Variants in ESPN observed in about 807,000 individuals in gnomAD.
ESPN encodes espin.
Under a neutral mutation model 77.7 loss-of-function variants are expected in ESPN, and 68 were observed. That is an observed-to-expected ratio of 0.87 (90% CI 0.72 to 1.07). The LOEUF is 1.07. Ranked by LOEUF, ESPN falls within the 50% of genes least tolerant of loss-of-function variation. The pLI is 0.00. For missense variants in ESPN, 1,060 were observed against 1,239.0 expected (o/e 0.86, Z 2.17); for synonymous variants, 449 against 567.1 (o/e 0.79, Z 2.96).
chr1:6,456,811 C>T lies in ESPN; in HGVS notation c.2326-373C>T, dbSNP rs977846610. On this transcript the variant is annotated intron_variant, in intron 10 of 12. Transcript: ENST00000645284. ...GGAGCCAGGGGCAGCCTGAGTCTCC[C>T]TGAGCCAAGAGGCTGGGTGGGGGCT... 4 of 369,166 alleles carry T rather than the reference C, an allele frequency of 1.1e-5. No homozygotes were observed. In the Admixed American group the frequency reaches 1.8e-4, roughly 16 times the overall value. 22.9% of individuals were successfully genotyped at this position (369,166 alleles called of 1,614,324 possible).
At chr1:6,455,482 G>A (rs1213795123) in intron 10 of ESPN, 20 of 397,402 alleles carry the variant, frequency 5.0e-5, no homozygotes, top group Non-Finnish European at 7.1e-5. Flanking sequence ...CAGCTGCTGA[G>A]GCAGCGGCAG....
chr1:6,451,016 G>A lies in ESPN; in HGVS notation c.1916-587G>A, dbSNP rs1185470709. ...TCCTGGGCCCCTAGAGCTGAGCCATGCTTTGCCATAAAGGTGCTCCCGGCT... is the reference window on the plus strand; with the variant it reads ...TCCTGGGCCCCTAGAGCTGAGCCATACTTTGCCATAAAGGTGCTCCCGGCT... On this transcript the variant is annotated intron_variant, in intron 8 of 12. Transcript: ENST00000645284. This position sits in a 1 kb window ranked among gnomAD's most constrained non-coding sequence, Gnocchi z 4.3. Among the ~76,000 whole-genome samples the A allele has an allele frequency of 6.6e-6, 1 of 152,202 alleles. No individual in the cohort carries two copies. Among genetic ancestry groups the A allele is most frequent in the Admixed American group, 6.5e-5 (1 of 15,282 alleles).
chr1:6,444,233 T>C (rs1260767185), intron 5 of ESPN, among the ~76,000 whole-genome samples: 1 of 152,104 alleles, frequency 6.6e-6, no homozygotes, highest in East Asian at 1.9e-4. Flanking sequence ...CTCTCCACCC[T>C]CCTAATCAGG....
intron 10 of ESPN, among the ~76,000 whole-genome samples, 174 bp from the exon 11 acceptor site, chr1:6,457,010 G>T (rs1644068916): frequency 6.6e-6 from 1 of 152,264 alleles, no homozygotes; most frequent in African/African-American, 2.4e-5. Context: ...GGGTTACTAG[G>T]GGAAAGGAGG....
chr1:6,433,015 G>A (rs576038760), intron 2 of ESPN, among the ~76,000 whole-genome samples: 59 of 151,982 alleles, frequency 3.9e-4, no homozygotes, highest in Non-Finnish European at 5.7e-4. Flanking sequence ...CCAGCTACTC[G>A]GGAGGCTGAG....
chr1:6,461,018 G>C, downstream of ESPN: 2 of 401,178 alleles, frequency 5.0e-6, no homozygotes, highest in Non-Finnish European at 1.0e-5. The surrounding 1 kb of genome is among the most constrained non-coding windows in gnomAD (Gnocchi z 6.3). Context: ...GGGCAGGCTT[G>C]GGAGCTAAGG....
chr1:6,459,182 A>G (rs529708143), intron 12 of ESPN, among the ~76,000 whole-genome samples: 223 of 152,142 alleles, frequency 1.5e-3, no homozygotes, highest in African/African-American at 5.2e-3. Context: ...TGGAGGTTGC[A>G]GTGAGCCGAG....
In ESPN at chr1:6,451,634, G is replaced by T. The variant is rs377497281; in HGVS notation, c.1947G>T (p.Thr649=). Residue 649 remains threonine, a synonymous_variant, in exon 9 of 13, where the codon ACG becomes ACT. Coordinates refer to ENST00000645284, the MANE Select transcript of ESPN (RefSeq NM_031475.3). This position sits in a 1 kb window ranked among gnomAD's most constrained non-coding sequence, Gnocchi z 4.3. The part of the protein sequence containing the change: ...STKSFNMMSP[T]GDNSELLAEI... ...AGTCTTTCAACATGATGTCCCCGAC[G>T]GGCGACAACTCGGAGCTACTGGCTG... 6.2e-7 allele frequency: 1 copy of T among 1,613,184 alleles called. No homozygotes were observed. Among genetic ancestry groups the T allele is most frequent in the Admixed American group, 1.7e-5 (1 of 59,972 alleles).
In ESPN at chr1:6,450,053, T is replaced by C. The variant is rs892453851; in HGVS notation, c.1915+962T>C. Among the ~76,000 whole-genome samples, 11 of 152,090 alleles carry C rather than the reference T, an allele frequency of 7.2e-5. No individual in the cohort carries two copies. In the East Asian group the frequency reaches 1.4e-3, roughly 19 times the overall value. On this transcript the variant is annotated intron_variant, in intron 8 of 12. Coordinates refer to ENST00000645284, the MANE Select transcript of ESPN (RefSeq NM_031475.3). The surrounding 1 kb of genome is among the most constrained non-coding windows in gnomAD (Gnocchi z 4.3). Reference sequence around the variant, plus strand: ...AAGTCCAGCACCTGCCGAACCTCCTTCTTCCCTCCACAGCCTGCAGCAGGG... The same window carrying C: ...AAGTCCAGCACCTGCCGAACCTCCTCCTTCCCTCCACAGCCTGCAGCAGGG...
At chr1:6,455,240 G>T in intron 10 of ESPN, 1 of 389,994 alleles carries the variant, frequency 2.6e-6, no homozygotes, top group Non-Finnish European at 4.5e-6. Flanking sequence ...GCACGAAGCT[G>T]CGCGGCGTCC....
chr1:6,440,606 T>TTCC lies in ESPN; in HGVS notation c.676-20_676-19insTCC. 1.1e-6 allele frequency: 1 copy of TTCC among 870,492 alleles called. No individual in the cohort carries two copies. The highest frequency in any genetic ancestry group is 1.7e-6 in the Non-Finnish European group (1 of 588,354). 53.9% of individuals were successfully genotyped at this position (870,492 alleles called of 1,614,324 possible). On this transcript the variant is annotated intron_variant, in intron 3 of 12. Transcript: ENST00000645284. ...CTGGCGCCCAGCCCCCGCCCCCCTC[T>TTCC]CCCCGCCCGTCCCGCCCAGGTGAGC...
Position 6,444,508 on chromosome 1 carries a change from G to T in ESPN, c.1018G>T (p.Asp340Tyr). ...CGTGGAGCACCGCGTGCTTTCCCGG[G>T]ATCCATCCGCAGAGCTGGAGGCTAA... ...LSVEHRVLSR[D>Y]PSAELEAKQP... The change falls in exon 6 of 13, where the codon GAT (aspartate) becomes TAT (tyrosine). Residue 340 changes from aspartate (D) to tyrosine (Y), a missense_variant. By Grantham distance (160) the Asp-to-Tyr change is radical. Around this residue, in one of 3 missense-constraint regions of ESPN, gnomAD observed 556 missense variants for 633.6 expected, o/e 0.88. Transcript: ENST00000645284. 1 of 1,614,218 alleles carries T rather than the reference G, an allele frequency of 6.2e-7. No homozygotes were observed. Among genetic ancestry groups the T allele is most frequent in the Non-Finnish European group, 8.5e-7 (1 of 1,180,030 alleles).
Position 6,457,240 on chromosome 1 carries a change from G to A in ESPN, c.2382G>A (p.Leu794=), listed in dbSNP as rs778414916. 6.2e-6 allele frequency: 10 copies of A among 1,613,674 alleles called. No homozygotes were observed. The African/African-American group carries it at 1.1e-4, about 17-fold the overall frequency. ...TGCCCGCCTGGAGGCGGGACCTCCTGCGGAAGAAGCTGGAAGAAGAGAGGT... is the reference window on the plus strand; with the variant it reads ...TGCCCGCCTGGAGGCGGGACCTCCTACGGAAGAAGCTGGAAGAAGAGAGGT... The part of the protein sequence containing the change: ...ASMPAWRRDL[L]RKKLEEEREQ... The change falls in exon 11 of 13, where the codon CTG becomes CTA. Residue 794 remains leucine (L), a synonymous_variant. Coordinates refer to ENST00000645284, the MANE Select transcript of ESPN (RefSeq NM_031475.3).
Position 6,450,838 on chromosome 1 carries a change from C to T in ESPN, c.1916-765C>T, listed in dbSNP as rs187203753. Among the ~76,000 whole-genome samples, 576 of 152,242 alleles carry T rather than the reference C, an allele frequency of 3.8e-3. 3 individuals are homozygous for T. Among genetic ancestry groups the T allele is most frequent in the African/African-American group, 0.013 (555 of 41,512 alleles). On this transcript the variant is annotated intron_variant, in intron 8 of 12. Coordinates refer to ENST00000645284, the MANE Select transcript of ESPN (RefSeq NM_031475.3). This position sits in a 1 kb window ranked among gnomAD's most constrained non-coding sequence, Gnocchi z 4.3. ...TTATTCCTCCCTCCCAGACCTGACC[C>T]CTTCATCGGGGCTCAAGAGACCTCT...
chr1:6,459,057 A>G (rs993314634), intron 12 of ESPN, among the ~76,000 whole-genome samples: 2 of 152,108 alleles, frequency 1.3e-5, no homozygotes, highest in African/African-American at 4.8e-5. Flanking sequence ...CCTGACCAAC[A>G]TGGTGAAACC....
chr1:6,440,306 C>G lies in ESPN; in HGVS notation c.541C>G (p.Gln181Glu). ...TGCCACGCCCCTGTACCTGGCGTGC[C>G]AGGAGGGCCACCTGGAGGTGACCCA... is the stretch of plus-strand genomic sequence containing the variant. Reference protein sequence around the residue: ...NGATPLYLACQEGHLEVTQYL... With the variant: ...NGATPLYLACEEGHLEVTQYL... Residue 181 changes from glutamine to glutamate, a missense_variant, in exon 3 of 13, where the codon CAG becomes GAG. By Grantham distance (29) the Gln-to-Glu change is conservative (BLOSUM62 2). This residue lies in a region of ESPN where 556 missense variants were observed against 633.6 expected (regional missense o/e 0.88). Transcript: ENST00000645284. 1 of 1,558,118 alleles carries G rather than the reference C, an allele frequency of 6.4e-7. No homozygotes were observed. Among genetic ancestry groups the G allele is most frequent in the Non-Finnish European group, 8.7e-7 (1 of 1,151,202 alleles).
In ESPN at chr1:6,440,738, G is replaced by C. The variant is rs1391225174; in HGVS notation, c.788G>C (p.Gly263Ala). ...TKVLSWLLLH[G>A]GEISADLWGG... Reference sequence around the variant, plus strand: ...GTGCTCAGCTGGCTGCTGCTGCACGGCGGGGAGATCTCGGCTGACCTGTGG... The same window carrying C: ...GTGCTCAGCTGGCTGCTGCTGCACGCCGGGGAGATCTCGGCTGACCTGTGG... The change falls in exon 4 of 13, where the codon GGC becomes GCC. Residue 263 changes from glycine (G) to alanine (A), a missense_variant. Gly to Ala is a moderately conservative substitution (Grantham distance 60). This residue lies in a region of ESPN where 556 missense variants were observed against 633.6 expected (regional missense o/e 0.88). Coordinates refer to ENST00000645284, the MANE Select transcript of ESPN (RefSeq NM_031475.3). 1.3e-6 allele frequency: 2 copies of C among 1,544,938 alleles called. No homozygotes were observed. Among genetic ancestry groups the C allele is most frequent in the Non-Finnish European group, 1.7e-6 (2 of 1,154,354 alleles).
intron 6 of ESPN, among the ~76,000 whole-genome samples, chr1:6,445,318 C>T (rs1407603329): frequency 6.6e-6 from 1 of 152,274 alleles, no homozygotes; most frequent in Non-Finnish European, 1.5e-5. Flanking sequence ...TGGTGGCCTC[C>T]AGACCTGGCA....
intron 2 of ESPN, among the ~76,000 whole-genome samples, chr1:6,435,284 A>C (rs141627992): frequency 0.024 from 3,601 of 152,168 alleles, 140 homozygotes; most frequent in African/African-American, 0.083. Flanking sequence ...GGGAGGCATG[A>C]CTGGCAGTGG....
Sources: gnomAD v4.1 joint callset for allele counts (sites outside exome capture counted in the v4.1 genomes callset) on GRCh38, gnomAD v4.1.1 for gene constraint, gnomAD v4.1.1 regional missense constraint, Gnocchi (gnomAD v3.1) non-coding constraint, MANE v1.5 for transcripts, NCBI Gene and HGNC (gene_info 2026-07-23, HGNC 2026-07-21) for gene names.